The following SPRED1 variants were observed in gnomAD, a reference collection of about 807,000 sequenced individuals.
The protein encoded by SPRED1 is sprouty related EVH1 domain containing 1, also known as sprouty-related, EVH1 domain-containing protein 1.
A neutral mutation model predicts 52.3 loss-of-function variants in SPRED1; 18 were observed. The ratio of observed to expected loss-of-function variants is 0.34; its 90% CI spans 0.24 to 0.51. SPRED1 has a LOEUF of 0.51. Among genes scored for constraint, SPRED1 ranks in the 20% least tolerant of loss-of-function variants. The probability of loss-of-function intolerance (pLI) is 0.97; values close to 1 mark genes in which losing one functional copy is unlikely to be tolerated. For synonymous variants in SPRED1, 155 were observed against 179.7 expected (o/e 0.86, Z 1.10); for missense variants, 485 against 551.0 (o/e 0.88, Z 1.20).
intron 4 of SPRED1, 54 bp downstream of exon 4, chr15:38,324,863 CTAG>C: frequency 7.3e-7 from 1 of 1,373,060 alleles, no homozygotes; most frequent in Non-Finnish European, 1.0e-6. Flanking sequence ...GAAGAAATCA[CTAG>C]CCTTATTCAA....
intron 1 of SPRED1, among the ~76,000 whole-genome samples, chr15:38,290,964 C>T (rs903044787): frequency 3.9e-5 from 6 of 152,136 alleles, no homozygotes; most frequent in South Asian, 2.1e-4. Context: ...AGAGTCTTAA[C>T]GCGTTTTACC....
intron 4 of SPRED1, among the ~76,000 whole-genome samples, chr15:38,328,239 G>A (rs894230336): frequency 2.0e-5 from 3 of 152,168 alleles, no homozygotes; most frequent in Non-Finnish European, 4.4e-5. Context: ...TTTTTTAACA[G>A]TAAAAGTAAT....
intron 2 of SPRED1, 130 bp downstream of exon 2, chr15:38,299,677 T>C: frequency 1.0e-6 from 1 of 956,118 alleles, no homozygotes; most frequent in Non-Finnish European, 1.6e-6. Context: ...TGTTTCTGTG[T>C]TAAAGGCAGT....
chr15:38,340,679 C>T (rs1896010720), intron 5 of SPRED1, among the ~76,000 whole-genome samples: 1 of 151,962 alleles, frequency 6.6e-6, no homozygotes, highest in Non-Finnish European at 1.5e-5. Flanking sequence ...ATTACAGGCA[C>T]CTGCCACCAC....
At chr15:38,345,276 A>G (rs941640690) in intron 5 of SPRED1, among the ~76,000 whole-genome samples, 2 of 152,248 alleles carry the variant, frequency 1.3e-5, no homozygotes, top group Non-Finnish European at 2.9e-5. Flanking sequence ...TGAGGACTGT[A>G]GTTACTTGCA....
intron 3 of SPRED1, 82 bp from the exon 4 acceptor site, chr15:38,324,681 T>C: frequency 9.1e-7 from 1 of 1,097,348 alleles, no homozygotes; most frequent in Non-Finnish European, 1.3e-6. Context: ...TAAAGTATTA[T>C]AATGACATAA....
intron 5 of SPRED1, among the ~76,000 whole-genome samples, chr15:38,344,165 T>A (rs1896083185): frequency 6.6e-6 from 1 of 152,092 alleles, no homozygotes; most frequent in Admixed American, 6.6e-5. Flanking sequence ...GTACAAAATG[T>A]TTTCCCACAT....
intron 1 of SPRED1, among the ~76,000 whole-genome samples, chr15:38,270,120 C>T (rs534374546): frequency 6.6e-6 from 1 of 152,176 alleles, no homozygotes; most frequent in Non-Finnish European, 1.5e-5. Context: ...GTTGGCCACG[C>T]TGTCATGAAC....
rs532765575 is a variant in SPRED1, at chr15:38,305,166, TA to T, written c.207+5626del. On this transcript the variant is annotated intron_variant, in intron 2 of 6. Coordinates refer to ENST00000299084, the MANE Select transcript of SPRED1 (RefSeq NM_152594.3). ...CAACATGGTGAAACCCCACCTCTACTAAAAAAATACAAAAAATTAGCTGGGC... is the reference window on the plus strand; with the variant it reads ...CAACATGGTGAAACCCCACCTCTACTAAAAAATACAAAAAATTAGCTGGGC... 4.0e-5 allele frequency among the ~76,000 whole-genome samples: 6 copies of T among 151,544 alleles called. No homozygotes were observed. The East Asian group carries it at 1.2e-3, about 30-fold the overall frequency.
intron 1 of SPRED1, among the ~76,000 whole-genome samples, chr15:38,279,563 G>A (rs1411918069): frequency 6.6e-6 from 1 of 152,174 alleles, no homozygotes; most frequent in East Asian, 1.9e-4. Context: ...TGGTACTTTT[G>A]AGTTGCTTCT....
intron 1 of SPRED1, among the ~76,000 whole-genome samples, chr15:38,298,030 C>G (rs1453333727): frequency 6.6e-6 from 1 of 151,914 alleles, no homozygotes; most frequent in Non-Finnish European, 1.5e-5. Flanking sequence ...TTCTAAAAAT[C>G]ATAATAAAGA....
At chr15:38,294,959 A>G (rs1484615238) in intron 1 of SPRED1, among the ~76,000 whole-genome samples, 1 of 152,158 alleles carries the variant, frequency 6.6e-6, no homozygotes, top group Non-Finnish European at 1.5e-5. Flanking sequence ...TTTGGTGTAA[A>G]GGGTAAAGTT....
rs532476050 is a variant in SPRED1, at chr15:38,332,196, G to A, written c.423+7387G>A. Among the ~76,000 whole-genome samples, 10 of 152,284 alleles carry A rather than the reference G, an allele frequency of 6.6e-5. No homozygotes were observed. The South Asian group carries it at 2.1e-3, about 32-fold the overall frequency. On this transcript the variant is annotated intron_variant, in intron 4 of 6. Transcript: ENST00000299084. The stretch of plus-strand genomic sequence containing the variant: ...AGTTTAGGAAGATATATGTCAAATA[G>A]TAATAGTGGCTATTCCATGGGGGTA...
intron 1 of SPRED1, among the ~76,000 whole-genome samples, chr15:38,257,252 C>T (rs1417446242): frequency 3.3e-5 from 5 of 151,994 alleles, no homozygotes; most frequent in African/African-American, 9.7e-5. Context: ...TTTCTATGAC[C>T]GCTATTCTGT....
intron 4 of SPRED1, among the ~76,000 whole-genome samples, chr15:38,325,450 G>T (rs996867746): frequency 1.8e-4 from 27 of 148,900 alleles, no homozygotes; most frequent in African/African-American, 4.4e-4. Flanking sequence ...AGTTTCTGGG[G>T]TTTTTTTTTT....
At chr15:38,293,248 C>T (rs761979951) in intron 1 of SPRED1, among the ~76,000 whole-genome samples, 11 of 151,798 alleles carry the variant, frequency 7.2e-5, no homozygotes, top group Admixed American at 1.3e-4. Context: ...TACAGGCACA[C>T]GCCACTACGC....
chr15:38,346,104 G>A (rs977773895), intron 5 of SPRED1, among the ~76,000 whole-genome samples: 3 of 152,084 alleles, frequency 2.0e-5, no homozygotes, highest in African/African-American at 4.8e-5. Context: ...ATGGGAGGTC[G>A]AGGTAGAAGG....
rs575855583 is a variant in SPRED1 at position 38,332,700 on chromosome 15, A to C, written c.424-7037A>C. 2.0e-5 allele frequency among the ~76,000 whole-genome samples: 3 copies of C among 152,294 alleles called. No homozygotes were observed. The South Asian group carries it at 6.2e-4, about 32-fold the overall frequency. On this transcript the variant is annotated intron_variant, in intron 4 of 6. Coordinates refer to ENST00000299084, the MANE Select transcript of SPRED1 (RefSeq NM_152594.3). ...TGATTATTGGATATTTGCATGTCAC[A>C]GATTATAGAATTTTCAGTGTGTGCC...
chr15:38,348,416 CTGTGTG>C (rs3075338), intron 5 of SPRED1, among the ~76,000 whole-genome samples: 23 of 148,656 alleles, frequency 1.5e-4, no homozygotes, highest in African/African-American at 5.1e-4. Context: ...TTTTAAAGAT[CTGTGTG>C]TGTGTGTGTG....
Sources: allele counts gnomAD v4.1 joint callset (sites outside exome capture counted in the v4.1 genomes callset), GRCh38; gene constraint gnomAD v4.1.1; transcripts MANE v1.5; gene names NCBI Gene and HGNC (gene_info 2026-07-23, HGNC 2026-07-21).